The following XRCC4 variants were observed in gnomAD, a reference collection of about 807,000 sequenced individuals.
XRCC4 encodes DNA repair protein XRCC4.
XRCC4 carries 28 observed loss-of-function variants against 39.1 expected under a neutral mutation model. The ratio of observed to expected loss-of-function variants is 0.72; its 90% CI spans 0.53 to 0.98. The LOEUF (loss-of-function observed/expected upper bound fraction) is 0.98, where lower values mean the gene tolerates loss of function less well. XRCC4 is among the 50% of genes least tolerant of loss of function. The pLI, the probability that XRCC4 is intolerant of heterozygous loss-of-function variation, is 0.00. For missense variants in XRCC4, 350 were observed against 376.4 expected (o/e 0.93, Z 0.58); for synonymous variants, 123 against 126.4 (o/e 0.97, Z 0.18).
chr5:83,272,109 A>G (rs1037692780), intron 7 of XRCC4, among the ~76,000 whole-genome samples: 13 of 152,164 alleles, frequency 8.5e-5, no homozygotes, highest in African/African-American at 9.7e-5. Context: ...TTAAAACTCT[A>G]TCACTAAATT....
chr5:83,316,780 A>G (rs1755903138), intron 7 of XRCC4, among the ~76,000 whole-genome samples: 1 of 138,586 alleles, frequency 7.2e-6, no homozygotes, highest in Non-Finnish European at 1.5e-5. Context: ...CACTGTCAAC[A>G]TTAGACAGAA....
chr5:83,209,684 A>G (rs1374357480), intron 6 of XRCC4, among the ~76,000 whole-genome samples: 1 of 152,098 alleles, frequency 6.6e-6, no homozygotes, highest in Non-Finnish European at 1.5e-5. Flanking sequence ...TTCCTCACTA[A>G]TTATTTTAAT....
At chr5:83,268,746 T>G (rs1354481355) in intron 7 of XRCC4, among the ~76,000 whole-genome samples, 1 of 152,172 alleles carries the variant, frequency 6.6e-6, no homozygotes, top group Non-Finnish European at 1.5e-5. Flanking sequence ...TGACACATTC[T>G]GTTATGGATG....
chr5:83,217,338 C>T (rs951421756), intron 6 of XRCC4, among the ~76,000 whole-genome samples: 21 of 128,034 alleles, frequency 1.6e-4, no homozygotes, highest in African/African-American at 5.4e-4. Flanking sequence ...GCCGGGGCAG[C>T]GCAGAGCAAG....
chr5:83,083,505 T>C (rs1026736461), intron 1 of XRCC4, among the ~76,000 whole-genome samples: 3 of 151,630 alleles, frequency 2.0e-5, no homozygotes, highest in Admixed American at 6.6e-5. Context: ...GCCTCCTGAG[T>C]AGCTGGGATT....
chr5:83,180,258 G>A (rs1362240962), intron 3 of XRCC4, among the ~76,000 whole-genome samples: 2 of 152,114 alleles, frequency 1.3e-5, no homozygotes, highest in Non-Finnish European at 1.5e-5. Flanking sequence ...GGCAGAAATG[G>A]ACTTCAGAAA....
chr5:83,313,137 C>CAATTT (rs1308353507), intron 7 of XRCC4, among the ~76,000 whole-genome samples: 5 of 149,652 alleles, frequency 3.3e-5, no homozygotes, highest in African/African-American at 1.2e-4. Flanking sequence ...AAACAAAAAC[C>CAATTT]ATGGTATAGA....
At chr5:83,249,357 C>G (rs1310131418) in intron 6 of XRCC4, among the ~76,000 whole-genome samples, 1 of 152,098 alleles carries the variant, frequency 6.6e-6, no homozygotes, top group Non-Finnish European at 1.5e-5. Flanking sequence ...CTAGTTAGGA[C>G]ATGTCTAGTG....
intron 3 of XRCC4, among the ~76,000 whole-genome samples, chr5:83,136,092 A>G (rs1183247204): frequency 3.3e-5 from 5 of 152,172 alleles, no homozygotes. Context: ...AGGAACAAAC[A>G]TTTATTTTAG....
At chr5:83,298,680 T>A (rs1755175442) in intron 7 of XRCC4, among the ~76,000 whole-genome samples, 1 of 151,948 alleles carries the variant, frequency 6.6e-6, no homozygotes, top group Admixed American at 6.6e-5. Context: ...TAGTAGTTTT[T>A]ATCTTTTCTA....
chr5:83,292,103 C>A (rs1380217303), intron 7 of XRCC4, among the ~76,000 whole-genome samples: 3 of 151,452 alleles, frequency 2.0e-5, no homozygotes, highest in African/African-American at 7.3e-5. Flanking sequence ...TTTATTATTT[C>A]TTATAGAGCA....
At chr5:83,232,548 G>A (rs1010025030) in intron 6 of XRCC4, among the ~76,000 whole-genome samples, 3 of 152,060 alleles carry the variant, frequency 2.0e-5, no homozygotes, top group African/African-American at 7.2e-5. Flanking sequence ...CCAAGTAAAA[G>A]AGTAGGCATT....
intron 2 of XRCC4, among the ~76,000 whole-genome samples, chr5:83,106,862 A>G (rs1394798516): frequency 1.3e-5 from 2 of 152,040 alleles, no homozygotes; most frequent in African/African-American, 2.4e-5. Context: ...TCTCAAATAT[A>G]TAAAACTGGT....
intron 1 of XRCC4, among the ~76,000 whole-genome samples, chr5:83,093,813 G>C (rs1489686440): frequency 6.6e-6 from 1 of 152,112 alleles, no homozygotes; most frequent in Non-Finnish European, 1.5e-5. Flanking sequence ...TAAAAGTTTT[G>C]CTTGTCTGGG....
At chr5:83,286,284 C>T (rs1000865209) in intron 7 of XRCC4, among the ~76,000 whole-genome samples, 1 of 152,116 alleles carries the variant, frequency 6.6e-6, no homozygotes, top group Non-Finnish European at 1.5e-5. Flanking sequence ...CAGCTTGTCA[C>T]CTTTATTCTA....
intron 7 of XRCC4, among the ~76,000 whole-genome samples, chr5:83,312,946 G>T (rs189296980): frequency 2.0e-5 from 3 of 152,232 alleles, no homozygotes; most frequent in Admixed American, 2.0e-4. Context: ...TTAGGAAACA[G>T]AACACTTGCA....
intron 3 of XRCC4, among the ~76,000 whole-genome samples, chr5:83,121,538 C>T (rs1747009122): frequency 1.3e-5 from 2 of 151,998 alleles, no homozygotes; most frequent in South Asian, 4.1e-4. Context: ...ATATTATTTG[C>T]CATCTATATA....
In XRCC4 at chr5:83,105,021, T is replaced by C; in HGVS notation, c.102T>C (p.Ile34=). 6.2e-7 allele frequency: 1 copy of C among 1,613,618 alleles called. No individual in the cohort carries two copies. The highest frequency in any genetic ancestry group is 1.7e-5 in the Admixed American group (1 of 59,966). The change falls in exon 2 of 8, where the codon ATT becomes ATC. Residue 34 remains isoleucine, a synonymous_variant. Coordinates refer to ENST00000396027, the MANE Select transcript of XRCC4 (RefSeq NM_003401.5). ...WEKTLESGFV[I]TLTDGHSAWT... ...AAACACTGGAATCTGGTTTTGTTAT[T>C]ACACTTACTGATGGTCATTCAGCAT...
intron 7 of XRCC4, among the ~76,000 whole-genome samples, chr5:83,288,197 C>T (rs1754798939): frequency 6.6e-6 from 1 of 151,852 alleles, no homozygotes; most frequent in African/African-American, 2.4e-5. Context: ...TGTGGTCTGT[C>T]TCTGAATGTT....
Sources: gnomAD v4.1 joint callset for allele counts (sites outside exome capture counted in the v4.1 genomes callset) on GRCh38, gnomAD v4.1.1 for gene constraint, MANE v1.5 for transcripts, NCBI Gene and HGNC (gene_info 2026-07-23, HGNC 2026-07-21) for gene names.